The following DNER variants were observed in gnomAD, a reference collection of about 807,000 sequenced individuals.
DNER encodes the protein delta/notch like EGF repeat containing, also known as delta and Notch-like epidermal growth factor-related receptor.
Under a neutral mutation model 78.2 loss-of-function variants are expected in DNER, and 33 were observed. The ratio of observed to expected loss-of-function variants is 0.42; its 90% CI spans 0.32 to 0.56. The LOEUF (loss-of-function observed/expected upper bound fraction) is 0.56. Ranked by LOEUF, DNER falls within the 20% of genes least tolerant of loss-of-function variation. DNER has a pLI of 0.11. For missense variants in DNER, 918 were observed against 975.3 expected (o/e 0.94, Z 0.78); for synonymous variants, 417 against 384.8 (o/e 1.08, Z -0.98).
At chr2:229,698,517 A>C (rs1699694858) in intron 1 of DNER, among the ~76,000 whole-genome samples, 1 of 152,182 alleles carries the variant, frequency 6.6e-6, no homozygotes, top group Admixed American at 6.5e-5. Flanking sequence ...GGGGAAAGCA[A>C]GGGAAGCAAG....
intron 1 of DNER, among the ~76,000 whole-genome samples, chr2:229,691,183 C>T (rs1202979456): frequency 6.6e-6 from 1 of 152,158 alleles, no homozygotes; most frequent in Non-Finnish European, 1.5e-5. Flanking sequence ...GAAGAAGTTG[C>T]TAAAATCCTG....
intron 6 of DNER, among the ~76,000 whole-genome samples, chr2:229,481,222 A>C (rs1695152271): frequency 6.6e-6 from 1 of 152,188 alleles, no homozygotes; most frequent in East Asian, 1.9e-4. Context: ...GCAGGAGCTC[A>C]AGACCTGACA....
Position 229,505,951 on chromosome 2 carries a change from A to G in DNER, c.1147+6832T>C, listed in dbSNP as rs79146758. On this transcript the variant is annotated intron_variant, in intron 6 of 12. Coordinates refer to ENST00000341772, the MANE Select transcript of DNER (RefSeq NM_139072.4). ...TAAACCATAATTTGCTATTATTTAC[A>G]AGTGTGGGGCTATAAAATAGCTTTG... Among the ~76,000 whole-genome samples the G allele has an allele frequency of 3.4e-4, 52 of 152,290 alleles. 1 individual carries two copies. Among genetic ancestry groups the G allele is most frequent in the African/African-American group, 1.3e-3 (52 of 41,570 alleles).
intron 10 of DNER, among the ~76,000 whole-genome samples, chr2:229,393,383 G>T (rs528769245): frequency 6.6e-6 from 1 of 151,902 alleles, no homozygotes; most frequent in Admixed American, 6.6e-5. Flanking sequence ...CTGAGATCAC[G>T]CCACTGTACT....
At chr2:229,621,169 A>C in intron 1 of DNER, among the ~76,000 whole-genome samples, 1 of 144,394 alleles carries the variant, frequency 6.9e-6, no homozygotes, top group Non-Finnish European at 1.5e-5. Context: ...AAAACAAAAC[A>C]AAAGTGATAA....
At chr2:229,661,065 C>T (rs766399837) in intron 1 of DNER, among the ~76,000 whole-genome samples, 8 of 152,184 alleles carry the variant, frequency 5.3e-5, no homozygotes, top group Non-Finnish European at 1.2e-4. Context: ...CTACCTGCTG[C>T]TCAAATGTAA....
At chr2:229,624,823 A>C (rs1002705075) in intron 1 of DNER, among the ~76,000 whole-genome samples, 55 of 152,286 alleles carry the variant, frequency 3.6e-4, no homozygotes, top group Admixed American at 3.1e-3. Flanking sequence ...ATTTGTGTAC[A>C]TTTCTGGAGG....
chr2:229,446,880 A>T (rs1437088983), intron 8 of DNER, among the ~76,000 whole-genome samples: 1 of 152,242 alleles, frequency 6.6e-6, no homozygotes, highest in Non-Finnish European at 1.5e-5. Flanking sequence ...CGTGCTTTTC[A>T]TGCACGTTAA....
intron 1 of DNER, among the ~76,000 whole-genome samples, chr2:229,672,945 T>C (rs937995568): frequency 2.0e-5 from 3 of 152,216 alleles, no homozygotes; most frequent in Admixed American, 1.3e-4. Flanking sequence ...TAGGCATGTC[T>C]TCACCCAATG....
At chr2:229,596,116 G>A (rs1013246228) in intron 1 of DNER, among the ~76,000 whole-genome samples, 1 of 151,656 alleles carries the variant, frequency 6.6e-6, no homozygotes, top group Non-Finnish European at 1.5e-5. Context: ...TAATTTACTT[G>A]TGTATCCACA....
chr2:229,702,377 TATTTAAAAATTAGCCAAGC>T (rs1699760565), intron 1 of DNER, among the ~76,000 whole-genome samples: 1 of 151,522 alleles, frequency 6.6e-6, no homozygotes, highest in African/African-American at 2.4e-5. Context: ...TCTACAAAAA[TATTTAAAAATTAGCCAAGC>T]GTGGTGGTGC....
intron 6 of DNER, among the ~76,000 whole-genome samples, chr2:229,485,546 T>A (rs183644854): frequency 6.6e-6 from 1 of 152,296 alleles, no homozygotes; most frequent in African/African-American, 2.4e-5. Flanking sequence ...CAGCATACCA[T>A]CTGAGTGATA....
chr2:229,573,775 T>C (rs952706982), intron 4 of DNER, among the ~76,000 whole-genome samples: 5 of 152,182 alleles, frequency 3.3e-5, no homozygotes, highest in Admixed American at 6.5e-5. Flanking sequence ...GGCAATGTGA[T>C]AGCGTCCATG....
chr2:229,380,029 G>A (rs891701750), intron 11 of DNER, among the ~76,000 whole-genome samples: 2 of 152,130 alleles, frequency 1.3e-5, no homozygotes, highest in Admixed American at 1.3e-4. Flanking sequence ...TTCACACTTT[G>A]GCTGCATGAA....
intron 8 of DNER, among the ~76,000 whole-genome samples, chr2:229,424,596 T>C (rs572978431): frequency 3.8e-4 from 58 of 152,250 alleles, no homozygotes; most frequent in African/African-American, 1.3e-3. Context: ...TGTCCTTTTC[T>C]CTGTGTGTGA....
intron 5 of DNER, among the ~76,000 whole-genome samples, chr2:229,544,261 G>A (rs13413632): frequency 0.067 from 10,212 of 152,048 alleles, 1,109 homozygotes; most frequent in African/African-American, 0.23. Context: ...TAGACAGGAG[G>A]GCACAGGATG....
At chr2:229,684,649 C>T (rs898105895) in intron 1 of DNER, among the ~76,000 whole-genome samples, 5 of 152,160 alleles carry the variant, frequency 3.3e-5, no homozygotes, top group African/African-American at 1.2e-4. Flanking sequence ...GAATTTACCG[C>T]TCATCCAGTG....
chr2:229,700,173 G>A (rs1455333586), intron 1 of DNER, among the ~76,000 whole-genome samples: 1 of 151,956 alleles, frequency 6.6e-6, no homozygotes, highest in Non-Finnish European at 1.5e-5. Context: ...ATGGGGGCTA[G>A]TAGGCATTCT....
chr2:229,596,372 T>A (rs1299847479), intron 1 of DNER, among the ~76,000 whole-genome samples: 2 of 152,260 alleles, frequency 1.3e-5, no homozygotes, highest in Non-Finnish European at 2.9e-5. Context: ...ACTTTAAATC[T>A]GCTTTAAAAG....
Sources: allele counts gnomAD v4.1 joint callset (sites outside exome capture counted in the v4.1 genomes callset), GRCh38; gene constraint gnomAD v4.1.1; transcripts MANE v1.5; gene names NCBI Gene and HGNC (gene_info 2026-07-23, HGNC 2026-07-21).